The following PTPRT variants were observed in gnomAD, a reference collection of about 807,000 sequenced individuals.
The protein encoded by PTPRT is protein tyrosine phosphatase receptor type T.
A neutral mutation model predicts 176.8 loss-of-function variants in PTPRT; 56 were observed. That is an observed-to-expected ratio of 0.32 (90% CI 0.26 to 0.40). The LOEUF (loss-of-function observed/expected upper bound fraction) is 0.40, where lower values mean the gene tolerates loss of function less well. Among genes scored for constraint, PTPRT ranks in the 10% least tolerant of loss-of-function variants. The pLI is 1.00. For missense variants in PTPRT, 1,540 were observed against 1,908.2 expected, an observed-to-expected ratio of 0.81 and a Z score of 3.60; for synonymous variants, 783 against 739.0, an observed-to-expected ratio of 1.06 and a Z score of -0.96.
chr20:42,270,363 T>TCCCC, intron 13 of PTPRT: 2 of 1,332,704 alleles, frequency 1.5e-6, no homozygotes, highest in Admixed American at 2.0e-5. Flanking sequence ...TGGGCAACTC[T>TCCCC]CCCCTCCCAC....
At chr20:42,431,646 T>C in intron 9 of PTPRT, among the ~76,000 whole-genome samples, 1 of 152,194 alleles carries the variant, frequency 6.6e-6, no homozygotes. Context: ...ATAATATTGT[T>C]ATAAAAATTG....
chr20:42,250,496 C>CT lies in PTPRT; in HGVS notation c.2177-1675dup, dbSNP rs372445344. Among the ~76,000 whole-genome samples the CT allele has an allele frequency of 2.9e-3, 439 of 151,488 alleles. 3 individuals are homozygous for CT. The highest frequency in any genetic ancestry group is 9.7e-3 in the African/African-American group (399 of 41,300). ...GCCCTCCAGCACATTGATGCACCCC[C>CT]TTTTTTTTTGCTTAAGAGCATTAAG... On this transcript the variant is annotated intron_variant, in intron 13 of 30. Coordinates refer to ENST00000373187, the MANE Select transcript of PTPRT (RefSeq NM_007050.6).
At chr20:42,306,641 G>T (rs948687024) in intron 12 of PTPRT, among the ~76,000 whole-genome samples, 9 of 152,146 alleles carry the variant, frequency 5.9e-5, no homozygotes, top group Non-Finnish European at 1.3e-4. Context: ...CGGTTACGTG[G>T]GGGCCTCTGG....
intron 15 of PTPRT, among the ~76,000 whole-genome samples, chr20:42,209,069 G>A (rs982762698): frequency 3.9e-5 from 6 of 152,242 alleles, no homozygotes; most frequent in Admixed American, 6.5e-5. Context: ...CGAAATGAAG[G>A]CACAAAGAAA....
intron 1 of PTPRT, among the ~76,000 whole-genome samples, chr20:42,901,122 A>C (rs1182643094): frequency 6.6e-6 from 1 of 152,122 alleles, no homozygotes; most frequent in African/African-American, 2.4e-5. Context: ...TTTGATCACC[A>C]ATAAATAGTC....
intron 21 of PTPRT, among the ~76,000 whole-genome samples, chr20:42,117,093 C>A (rs886568983): frequency 5.3e-5 from 8 of 151,980 alleles, no homozygotes; most frequent in African/African-American, 1.9e-4. Context: ...GGTACTCTAC[C>A]CCTTTAGGTC....
intron 17 of PTPRT, among the ~76,000 whole-genome samples, chr20:42,143,658 C>T (rs1344606476): frequency 1.3e-5 from 2 of 151,724 alleles, no homozygotes. Context: ...TGATTATTTG[C>T]AGGATGTTCA....
intron 27 of PTPRT, among the ~76,000 whole-genome samples, chr20:42,089,721 G>A (rs566774451): frequency 6.6e-6 from 1 of 152,298 alleles, no homozygotes; most frequent in East Asian, 1.9e-4. Context: ...ATTCAGCAGG[G>A]TGATGTGCTG....
intron 1 of PTPRT, among the ~76,000 whole-genome samples, chr20:43,110,529 GA>G (rs1454861724): frequency 6.6e-6 from 1 of 152,250 alleles, no homozygotes; most frequent in African/African-American, 2.4e-5. Context: ...GGAGGGGACA[GA>G]GGGGGGCTTC....
chr20:42,744,785 G>T (rs1223415519), intron 6 of PTPRT, among the ~76,000 whole-genome samples: 2 of 152,148 alleles, frequency 1.3e-5, no homozygotes, highest in African/African-American at 4.8e-5. Context: ...ACCAAAGAGG[G>T]GGGTGAGCAG....
At chr20:42,469,464 G>T (rs1250622132) in intron 8 of PTPRT, among the ~76,000 whole-genome samples, 1 of 152,146 alleles carries the variant, frequency 6.6e-6, no homozygotes, top group Non-Finnish European at 1.5e-5. Context: ...CAGCCTCCCA[G>T]AGTGCTGGGA....
chr20:42,860,210 CACACACACACAA>C (rs1237314795), intron 2 of PTPRT, among the ~76,000 whole-genome samples: 1 of 151,950 alleles, frequency 6.6e-6, no homozygotes, highest in Admixed American at 6.6e-5. Context: ...TGCATGCATT[CACACACACACAA>C]ACACACACAC....
At position 42,792,131 on chromosome 20, in the gene PTPRT, A is replaced by C. The variant is rs148248597; in HGVS notation, c.215-665T>G. Reference sequence around the variant, plus strand: ...TTTCAGCTTGGGATCAAGAATACACACATGGAGGACACCTGACTTGAACTG... The same window carrying C: ...TTTCAGCTTGGGATCAAGAATACACCCATGGAGGACACCTGACTTGAACTG... On this transcript the variant is annotated intron_variant, in intron 2 of 30. Transcript: ENST00000373187. Among the ~76,000 whole-genome samples, 535 of 152,292 alleles carry C rather than the reference A, an allele frequency of 3.5e-3. 3 individuals are homozygous for C. The highest frequency in any genetic ancestry group is 0.011 in the African/African-American group (459 of 41,546).
At chr20:42,996,079 C>T (rs2146118338) in intron 1 of PTPRT, among the ~76,000 whole-genome samples, 1 of 152,272 alleles carries the variant, frequency 6.6e-6, no homozygotes, top group South Asian at 2.1e-4. Flanking sequence ...AGTTCCCTCT[C>T]TGCATGTCAT....
intron 1 of PTPRT, among the ~76,000 whole-genome samples, chr20:43,105,747 G>C (rs2012579382): frequency 6.6e-6 from 1 of 152,118 alleles, no homozygotes; most frequent in Non-Finnish European, 1.5e-5. Context: ...CTTCATGTTT[G>C]CAGCCTCTAA....
chr20:42,806,666 G>C (rs1321941165), intron 2 of PTPRT, among the ~76,000 whole-genome samples: 1 of 152,072 alleles, frequency 6.6e-6, no homozygotes, highest in African/African-American at 2.4e-5. Context: ...TCTACTGTTG[G>C]GGTGTGACAA....
intron 1 of PTPRT, among the ~76,000 whole-genome samples, chr20:43,078,293 G>A (rs1286022261): frequency 1.3e-5 from 2 of 152,188 alleles, no homozygotes; most frequent in African/African-American, 2.4e-5. Flanking sequence ...ACTTGGTCAG[G>A]GAAGCAGTCT....
At chr20:42,397,522 T>A (rs1436284557) in intron 9 of PTPRT, among the ~76,000 whole-genome samples, 1 of 152,216 alleles carries the variant, frequency 6.6e-6, no homozygotes, top group Admixed American at 6.5e-5. Flanking sequence ...GTGTACTCAA[T>A]GTTTAGCTCC....
chr20:42,586,396 C>A (rs1414990928), intron 7 of PTPRT, among the ~76,000 whole-genome samples: 2 of 152,142 alleles, frequency 1.3e-5, no homozygotes, highest in Non-Finnish European at 2.9e-5. Context: ...CTAATGACAG[C>A]AAGCAGTTTA....
Sources: allele counts gnomAD v4.1 joint callset (sites outside exome capture counted in the v4.1 genomes callset), GRCh38; gene constraint gnomAD v4.1.1; transcripts MANE v1.5; gene names NCBI Gene and HGNC (gene_info 2026-07-23, HGNC 2026-07-21).